Variants in WWOX observed in about 807,000 individuals in gnomAD.
WWOX encodes the protein WW domain-containing oxidoreductase.
WWOX carries 69 observed loss-of-function variants against 46.2 expected under a neutral mutation model. The ratio of observed to expected loss-of-function variants is 1.49; its 90% confidence interval spans 1.23 to 1.82. The LOEUF (loss-of-function observed/expected upper bound fraction) is 1.82, where lower values mean the gene tolerates loss of function less well. WWOX is among the 40% of genes most tolerant of loss of function. The probability of loss-of-function intolerance (pLI) is 0.00; values close to 1 mark genes in which losing one functional copy is unlikely to be tolerated. For synonymous variants in WWOX, 359 were observed against 202.6 expected (o/e 1.77, Z -6.56); for missense variants, 919 against 542.6 (o/e 1.69, Z -6.89).
At chr16:79,038,249 A>G (rs543247720) in intron 8 of WWOX, among the ~76,000 whole-genome samples, 3 of 152,298 alleles carry the variant, frequency 2.0e-5, no homozygotes, top group African/African-American at 7.2e-5. Context: ...GGTTATTCCC[A>G]GAAAGATCCA....
intron 8 of WWOX, among the ~76,000 whole-genome samples, chr16:78,504,366 C>T (rs2085141415): frequency 1.3e-5 from 2 of 152,222 alleles, no homozygotes; most frequent in African/African-American, 2.4e-5. Flanking sequence ...CTGAGATTCA[C>T]ATATGTAGAT....
chr16:78,242,718 T>C (rs561670957), intron 5 of WWOX, among the ~76,000 whole-genome samples: 21 of 152,048 alleles, frequency 1.4e-4, no homozygotes, highest in African/African-American at 5.1e-4. Flanking sequence ...ATAAGAGATA[T>C]GAAAGCCAGC....
At chr16:78,150,011 G>C (rs1313468806) in intron 4 of WWOX, among the ~76,000 whole-genome samples, 1 of 152,130 alleles carries the variant, frequency 6.6e-6, no homozygotes, top group Non-Finnish European at 1.5e-5. Flanking sequence ...TAACGACCCA[G>C]AGTCAGCACA....
chr16:78,322,174 A>G (rs572830559), intron 5 of WWOX, among the ~76,000 whole-genome samples: 1 of 152,266 alleles, frequency 6.6e-6, no homozygotes, highest in South Asian at 2.1e-4. Flanking sequence ...GGGGAAGACA[A>G]GGACAAACAA....
chr16:78,342,709 T>C (rs756316168), intron 5 of WWOX, among the ~76,000 whole-genome samples: 2 of 120,184 alleles, frequency 1.7e-5, no homozygotes, highest in East Asian at 3.9e-4. Flanking sequence ...TGCATAGACA[T>C]TTGCACCCCA....
chr16:78,622,832 G>C (rs944741863), intron 8 of WWOX, among the ~76,000 whole-genome samples: 2 of 152,186 alleles, frequency 1.3e-5, no homozygotes, highest in African/African-American at 4.8e-5. Flanking sequence ...TGAGCAGGGG[G>C]ATCCTCCTGG....
rs147681891 is a variant in WWOX, at chr16:78,683,846, G to A, written c.1056+251094G>A. 3.2e-4 allele frequency among the ~76,000 whole-genome samples: 48 copies of A among 152,172 alleles called. 2 individuals are homozygous for A. The highest frequency in any genetic ancestry group is 1.1e-3 in the African/African-American group (46 of 41,528). On this transcript the variant is annotated intron_variant, in intron 8 of 8. Transcript: ENST00000566780. ...TTCAGATTTTCTGAGTGTTTAATTC[G>A]GCGTCTTTGGTCACAAGGAACAGAG...
intron 5 of WWOX, among the ~76,000 whole-genome samples, chr16:78,364,912 AC>A (rs2081499776): frequency 6.6e-6 from 1 of 152,168 alleles, no homozygotes; most frequent in South Asian, 2.1e-4. Flanking sequence ...CTGTCTAGGT[AC>A]CTGGAATTTC....
chr16:78,528,462 C>T (rs912355723), intron 8 of WWOX, among the ~76,000 whole-genome samples: 2 of 151,866 alleles, frequency 1.3e-5, no homozygotes, highest in Admixed American at 6.6e-5. Flanking sequence ...GTTTTGTTGC[C>T]AGTAAAAACA....
At chr16:78,635,258 A>C (rs1337447636) in intron 8 of WWOX, among the ~76,000 whole-genome samples, 1 of 152,184 alleles carries the variant, frequency 6.6e-6, no homozygotes, top group East Asian at 1.9e-4. Flanking sequence ...TCTAAACCTT[A>C]AGTATTTTGC....
Position 78,513,652 on chromosome 16 carries a change from T to C in WWOX, c.1056+80900T>C, listed in dbSNP as rs140825047. Among the ~76,000 whole-genome samples, 978 of 152,324 alleles carry C rather than the reference T, an allele frequency of 6.4e-3. 3 individuals carry two copies. The highest frequency in any genetic ancestry group is 0.015 in the African/African-American group (626 of 41,586). On this transcript the variant is annotated intron_variant, in intron 8 of 8. Transcript: ENST00000566780. ...TGAGTCCCACTGATACTTACAAATATACAGAGGTGGTGTAAAAGGATTCTG... is the reference window on the plus strand; with the variant it reads ...TGAGTCCCACTGATACTTACAAATACACAGAGGTGGTGTAAAAGGATTCTG...
At chr16:78,627,618 A>C (rs1406896636) in intron 8 of WWOX, among the ~76,000 whole-genome samples, 2 of 152,234 alleles carry the variant, frequency 1.3e-5, no homozygotes, top group African/African-American at 4.8e-5. Flanking sequence ...CTGGACACAT[A>C]AATAGGAAGA....
At chr16:78,914,553 T>G (rs898922560) in intron 8 of WWOX, among the ~76,000 whole-genome samples, 4 of 151,974 alleles carry the variant, frequency 2.6e-5, no homozygotes, top group Admixed American at 2.0e-4. Flanking sequence ...GTACAGAGTG[T>G]GGGATCAAGA....
intron 8 of WWOX, among the ~76,000 whole-genome samples, chr16:78,621,178 A>G (rs1338781373): frequency 6.6e-6 from 1 of 152,180 alleles, no homozygotes; most frequent in Non-Finnish European, 1.5e-5. Context: ...ACCTGTGAAA[A>G]TGCTGGGGAT....
intron 8 of WWOX, among the ~76,000 whole-genome samples, chr16:78,737,757 C>G (rs189565726): frequency 2.3e-3 from 346 of 151,992 alleles, no homozygotes; most frequent in African/African-American, 8.0e-3. Flanking sequence ...TTTTTTTCTT[C>G]CTCACCTGAT....
At chr16:78,922,766 G>C (rs867835481) in intron 8 of WWOX, among the ~76,000 whole-genome samples, 2 of 152,146 alleles carry the variant, frequency 1.3e-5, no homozygotes, top group African/African-American at 4.8e-5. Context: ...AGGCTCACAG[G>C]TTTCACTCAA....
chr16:78,778,686 T>A (rs1226179695), intron 8 of WWOX, among the ~76,000 whole-genome samples: 3 of 152,186 alleles, frequency 2.0e-5, no homozygotes, highest in Non-Finnish European at 4.4e-5. Context: ...TCTACTCACC[T>A]CCTGTTTGAG....
intron 8 of WWOX, among the ~76,000 whole-genome samples, chr16:78,964,988 C>G (rs1490806217): frequency 6.6e-6 from 1 of 152,192 alleles, no homozygotes; most frequent in Non-Finnish European, 1.5e-5. Flanking sequence ...GTTTGGGAAC[C>G]TCTGCCTAGT....
At chr16:79,014,682 C>G (rs941518729) in intron 8 of WWOX, among the ~76,000 whole-genome samples, 1 of 152,082 alleles carries the variant, frequency 6.6e-6, no homozygotes, top group African/African-American at 2.4e-5. Context: ...ACATTTCGGC[C>G]CTGATTTCAG....
Sources: gnomAD v4.1 joint callset for allele counts (sites outside exome capture counted in the v4.1 genomes callset) on GRCh38, gnomAD v4.1.1 for gene constraint, MANE v1.5 for transcripts, NCBI Gene and HGNC (gene_info 2026-07-23, HGNC 2026-07-21) for gene names.